The following CATIP variants were observed in gnomAD, a reference collection of about 807,000 sequenced individuals.
The protein encoded by CATIP is ciliogenesis associated TTC17 interacting protein, also known as ciliogenesis-associated TTC17-interacting protein.
Under a neutral mutation model 42.5 loss-of-function variants are expected in CATIP, and 40 were observed. That is an observed-to-expected ratio of 0.94 (90% CI 0.73 to 1.22). CATIP has a LOEUF of 1.22. Among genes scored for constraint, CATIP ranks in the 50% most tolerant of loss-of-function variants. CATIP has a pLI of 0.00. For missense variants in CATIP, 489 were observed against 496.0 expected, an observed-to-expected ratio of 0.99 and a Z score of 0.13; for synonymous variants, 222 against 200.2, an observed-to-expected ratio of 1.11 and a Z score of -0.92.
At chr2:218,359,602 G>A (rs760660624) in intron 4 of CATIP, among the ~76,000 whole-genome samples, 11 of 152,010 alleles carry the variant, frequency 7.2e-5, no homozygotes, top group Admixed American at 6.6e-5. Flanking sequence ...GCTGGAGGAG[G>A]GCTGGTGTGG....
At chr2:218,363,160 A>C (rs1695294193) in intron 6 of CATIP, among the ~76,000 whole-genome samples, 1 of 152,112 alleles carries the variant, frequency 6.6e-6, no homozygotes, top group African/African-American at 2.4e-5. Context: ...AGGAAAAATA[A>C]ATATAGTGCA....
At chr2:218,363,256 C>T (rs375984017) in intron 6 of CATIP, among the ~76,000 whole-genome samples, 1 of 143,030 alleles carries the variant, frequency 7.0e-6, no homozygotes, top group African/African-American at 2.6e-5. Context: ...CAAGGCGGGC[C>T]GATCACAAGG....
In CATIP at chr2:218,358,052, A is replaced by G. The variant is rs1326752698; in HGVS notation, c.335A>G (p.Lys112Arg). 6.2e-7 allele frequency: 1 copy of G among 1,614,166 alleles called. No individual in the cohort carries two copies. Among genetic ancestry groups the G allele is most frequent in the Non-Finnish European group, 8.5e-7 (1 of 1,180,010 alleles). Reference sequence around the variant, plus strand: ...TGCACCCCAGGCTATCTCTCAGAGAAGCTGGAGCTCATGGAACAGCACAGC... The same window carrying G: ...TGCACCCCAGGCTATCTCTCAGAGAGGCTGGAGCTCATGGAACAGCACAGC... ...GNSLLGYLSE[K>R]LELMEQHSQD... Residue 112 changes from lysine (K) to arginine (R), a missense_variant, in exon 4 of 10, where the codon AAG becomes AGG. Physicochemically the swap from Lys to Arg is conservative, Grantham distance 26. Coordinates refer to ENST00000289388, the MANE Select transcript of CATIP (RefSeq NM_198559.2).
In CATIP at chr2:218,356,878, C is replaced by T. The variant is rs759047249; in HGVS notation, c.-7C>T. The T allele has an allele frequency of 1.7e-5, 27 of 1,614,032 alleles. No homozygotes were observed. Among genetic ancestry groups the T allele is most frequent in the Non-Finnish European group, 2.2e-5 (26 of 1,179,994 alleles). On this transcript the variant is annotated 5_prime_UTR_variant, in exon 1 of 10. Transcript: ENST00000289388. ...GGACACAGACCGGGTAGAGGCAGGC[C>T]CACAGCATGTCCTCCAAGGTTTACT...
intron 7 of CATIP, 157 bp from the exon 8 acceptor site, chr2:218,366,867 T>C (rs1239116850): frequency 8.9e-6 from 6 of 673,516 alleles, no homozygotes; most frequent in Middle Eastern, 3.3e-4. Flanking sequence ...TAATCCTATC[T>C]GATTCGGGCC....
At chr2:218,367,668 T>C in intron 9 of CATIP, 54 bp from the exon 10 acceptor site, 1 of 1,577,158 alleles carries the variant, frequency 6.3e-7, no homozygotes, top group Admixed American at 1.8e-5. Flanking sequence ...GGCTGGGGGC[T>C]CCTGGGGCGC....
intron 8 of CATIP, 117 bp from the exon 9 acceptor site, chr2:218,367,313 T>G (rs1301487093): frequency 2.0e-6 from 2 of 1,005,238 alleles, no homozygotes; most frequent in African/African-American, 1.6e-5. Context: ...TCTGCCCATG[T>G]GGGCAGAATC....
intron 6 of CATIP, among the ~76,000 whole-genome samples, chr2:218,363,929 TTTTTTG>T (rs1393458209): frequency 6.6e-6 from 1 of 152,256 alleles, no homozygotes; most frequent in Non-Finnish European, 1.5e-5. Context: ...TTTTGTTTTG[TTTTTTG>T]TTTTTAACTA....
At chr2:218,358,894 A>AG (rs1431978917) in intron 4 of CATIP, among the ~76,000 whole-genome samples, 2 of 150,794 alleles carry the variant, frequency 1.3e-5, no homozygotes, top group Non-Finnish European at 3.0e-5. Context: ...AAAAAAAAAA[A>AG]AAAAAGAAAA....
At chr2:218,359,425 G>A (rs1251185231) in intron 4 of CATIP, among the ~76,000 whole-genome samples, 2 of 151,346 alleles carry the variant, frequency 1.3e-5, no homozygotes, top group African/African-American at 2.4e-5. Flanking sequence ...TTTCCAGTGT[G>A]TAAACAGGTC....
Position 218,363,572 on chromosome 2 carries a change from G to T in CATIP, c.630+670G>T, listed in dbSNP as rs531181736. Among the ~76,000 whole-genome samples, 4 of 152,144 alleles carry T rather than the reference G, an allele frequency of 2.6e-5. No homozygotes were observed. The South Asian group carries it at 6.2e-4, about 24-fold the overall frequency. On this transcript the variant is annotated intron_variant, in intron 6 of 9. Transcript: ENST00000289388. Reference sequence around the variant, plus strand: ...AATCCCAGCACTTTGGGAGGCCAAGGTGGGCAGATCACTTGAAGTTAGGAG... The same window carrying T: ...AATCCCAGCACTTTGGGAGGCCAAGTTGGGCAGATCACTTGAAGTTAGGAG...
chr2:218,362,808 T>C lies in CATIP; in HGVS notation c.536T>C (p.Val179Ala), dbSNP rs145903057. 4.3e-6 allele frequency: 7 copies of C among 1,614,172 alleles called. No homozygotes were observed. The African/African-American group carries it at 6.7e-5, about 15-fold the overall frequency. Residue 179 changes from valine (V) to alanine (A), a missense_variant, in exon 6 of 10, where the codon GTG (valine) becomes GCG (alanine). Physicochemically the swap from Val to Ala is moderately conservative, Grantham distance 64. Transcript: ENST00000289388. ...KGFISEAANL[V>A]LLRVMAWRRM... ...TTCATCTCAGAGGCTGCCAACCTGG[T>C]GCTGCTCAGGGTGATGGCCTGGCGG...
Position 218,367,868 on chromosome 2 carries a change from G to T in CATIP, c.1068G>T (p.Pro356=). The T allele has an allele frequency of 1.2e-6, 2 of 1,612,986 alleles. No homozygotes were observed. Among genetic ancestry groups the T allele is most frequent in the Non-Finnish European group, 1.7e-6 (2 of 1,179,866 alleles). Residue 356 remains proline, a synonymous_variant, in exon 10 of 10, where the codon CCG becomes CCT. Transcript: ENST00000289388. ...FAAEFFGPFD[P]WRPSSPALGS... ...CCGAGTTCTTCGGCCCCTTCGACCC[G>T]TGGCGTCCGTCGTCACCGGCCTTGG...
chr2:218,367,185 C>A (rs1358724168), intron 8 of CATIP, 85 bp downstream of exon 8: 10 of 1,057,590 alleles, frequency 9.5e-6, no homozygotes, highest in Non-Finnish European at 1.3e-5. Context: ...GGGGGCTGGA[C>A]CCAGTGTGCT....
intron 1 of CATIP, 66 bp downstream of exon 1, chr2:218,356,975 G>T: frequency 1.2e-6 from 2 of 1,602,846 alleles, no homozygotes; most frequent in Admixed American, 1.7e-5. Flanking sequence ...CACCCTCGGG[G>T]TAGTCTTAGA....
At chr2:218,363,723 C>T (rs1401888267) in intron 6 of CATIP, among the ~76,000 whole-genome samples, 4 of 151,620 alleles carry the variant, frequency 2.6e-5, no homozygotes, top group Admixed American at 2.0e-4. Context: ...GGAGAAGCAT[C>T]ACTTGAACCC....
intron 6 of CATIP, among the ~76,000 whole-genome samples, chr2:218,363,451 A>G (rs562622973): frequency 8.8e-5 from 13 of 147,268 alleles, no homozygotes; most frequent in Non-Finnish European, 1.3e-4. Context: ...GCGCCACTGC[A>G]CTCCCGCCTG....
At chr2:218,357,443 C>A in intron 2 of CATIP, 91 bp from the exon 3 acceptor site, 1 of 1,087,526 alleles carries the variant, frequency 9.2e-7, no homozygotes, top group Admixed American at 2.0e-5. Context: ...CAGGTGGGGA[C>A]TGTGGGGACA....
chr2:218,363,509 A>C (rs539394449), intron 6 of CATIP, among the ~76,000 whole-genome samples: 8 of 146,750 alleles, frequency 5.5e-5, no homozygotes, highest in Admixed American at 6.8e-5. Context: ...AAAAAAAAAA[A>C]AACGTCATTT....
Sources: gnomAD v4.1 joint callset for allele counts (sites outside exome capture counted in the v4.1 genomes callset) on GRCh38, gnomAD v4.1.1 for gene constraint, MANE v1.5 for transcripts, NCBI Gene and HGNC (gene_info 2026-07-23, HGNC 2026-07-21) for gene names.